The following EIF4G3 variants were observed in gnomAD, a reference collection of about 807,000 sequenced individuals.
The protein encoded by EIF4G3 is eukaryotic translation initiation factor 4 gamma 3.
A neutral mutation model predicts 186.4 loss-of-function variants in EIF4G3; 34 were observed. The observed-to-expected ratio is 0.18, with a 90% confidence interval of 0.14 to 0.24. The LOEUF is 0.24. Among genes scored for constraint, EIF4G3 ranks in the 10% least tolerant of loss-of-function variants. The pLI is 1.00. For synonymous variants in EIF4G3, 673 were observed against 679.5 expected, an observed-to-expected ratio of 0.99 and a Z score of 0.15; for missense variants, 1,536 against 1,948.5, an observed-to-expected ratio of 0.79 and a Z score of 3.99.
chr1:21,096,173 GA>G (rs1201004372), intron 2 of EIF4G3, among the ~76,000 whole-genome samples: 2 of 152,128 alleles, frequency 1.3e-5, no homozygotes, highest in Non-Finnish European at 2.9e-5. Context: ...ACTGCATAAA[GA>G]AGATGTAGTA....
At chr1:20,809,550 T>A (rs1358752995) in intron 36 of EIF4G3, among the ~76,000 whole-genome samples, 1 of 152,272 alleles carries the variant, frequency 6.6e-6, no homozygotes, top group Non-Finnish European at 1.5e-5. Flanking sequence ...TACAGGTTAC[T>A]TTGTTTCATT....
chr1:20,820,227 C>T (rs554069228), intron 33 of EIF4G3, among the ~76,000 whole-genome samples: 52 of 152,272 alleles, frequency 3.4e-4, no homozygotes, highest in African/African-American at 1.0e-3. Context: ...GCCTGACCTG[C>T]GGCTGCAGAC....
chr1:21,020,418 A>G (rs965215238), intron 4 of EIF4G3, among the ~76,000 whole-genome samples: 1 of 152,130 alleles, frequency 6.6e-6, no homozygotes. Context: ...TCAGCCTAGG[A>G]GGAGGAGGTT....
chr1:21,118,382 G>A (rs1049508558), intron 2 of EIF4G3, among the ~76,000 whole-genome samples: 1 of 152,132 alleles, frequency 6.6e-6, no homozygotes, highest in African/African-American at 2.4e-5. Context: ...AATTAGCTTT[G>A]GTTGATAACC....
At chr1:20,857,585 G>A in intron 24 of EIF4G3, 88 bp from the exon 25 acceptor site, 1 of 1,084,942 alleles carries the variant, frequency 9.2e-7, no homozygotes, top group Non-Finnish European at 1.4e-6. Flanking sequence ...CAAAACCAAG[G>A]AGAAAGACAA....
intron 2 of EIF4G3, among the ~76,000 whole-genome samples, chr1:21,171,847 T>C (rs1327774419): frequency 6.6e-6 from 1 of 152,138 alleles, no homozygotes; most frequent in Non-Finnish European, 1.5e-5. Context: ...ACCAGATTTT[T>C]TGCCTCCAAA....
chr1:21,074,751 T>C (rs1385155721), intron 3 of EIF4G3, among the ~76,000 whole-genome samples: 1 of 152,086 alleles, frequency 6.6e-6, no homozygotes, highest in Non-Finnish European at 1.5e-5. Flanking sequence ...CTTGGAAAAA[T>C]ATTTTCCAAT....
intron 12 of EIF4G3, among the ~76,000 whole-genome samples, chr1:20,958,215 T>C (rs1034377804): frequency 6.6e-6 from 1 of 152,184 alleles, no homozygotes; most frequent in Non-Finnish European, 1.5e-5. Flanking sequence ...CAAGTGGGTT[T>C]TATTTCAAGG....
chr1:21,142,432 G>A (rs760196259), intron 2 of EIF4G3, among the ~76,000 whole-genome samples: 2 of 152,108 alleles, frequency 1.3e-5, no homozygotes, highest in Non-Finnish European at 2.9e-5. Flanking sequence ...GCTTGAGCCT[G>A]GATGGTGGAA....
intron 17 of EIF4G3, 70 bp from the exon 18 acceptor site, chr1:20,893,706 A>G (rs1209258238): frequency 4.2e-6 from 6 of 1,418,808 alleles, no homozygotes; most frequent in Non-Finnish European, 5.6e-6. Flanking sequence ...GATAACAAAA[A>G]TTTTTACTGA....
chr1:20,993,252 CAG>C (rs1002397964), intron 7 of EIF4G3, among the ~76,000 whole-genome samples: 13 of 152,232 alleles, frequency 8.5e-5, no homozygotes, highest in Non-Finnish European at 8.8e-5. Flanking sequence ...GCCCTCCAAA[CAG>C]AGTTAAAAGA....
intron 4 of EIF4G3, 49 bp downstream of exon 4, chr1:21,050,817 A>G: frequency 1.5e-6 from 1 of 680,520 alleles, no homozygotes; most frequent in Non-Finnish European, 2.7e-6. Context: ...AACAAAAATG[A>G]TGCCTTTACA....
chr1:21,085,928 G>A (rs776986995), intron 3 of EIF4G3, among the ~76,000 whole-genome samples: 59 of 152,114 alleles, frequency 3.9e-4, no homozygotes, highest in Non-Finnish European at 7.5e-4. Flanking sequence ...TCCTGACCTC[G>A]TGATCCGTCT....
intron 32 of EIF4G3, among the ~76,000 whole-genome samples, chr1:20,827,052 T>C (rs1409503077): frequency 2.0e-5 from 3 of 152,214 alleles, no homozygotes; most frequent in Non-Finnish European, 4.4e-5. Context: ...CCAATATCTT[T>C]GAGTCAGGCG....
intron 2 of EIF4G3, among the ~76,000 whole-genome samples, chr1:21,129,022 A>G (rs1208707833): frequency 6.6e-6 from 1 of 152,192 alleles, no homozygotes; most frequent in Non-Finnish European, 1.5e-5. Context: ...CGGTTGTAAT[A>G]CAAAAAATCT....
chr1:21,147,459 G>A (rs1224492397), intron 2 of EIF4G3, among the ~76,000 whole-genome samples: 1 of 151,472 alleles, frequency 6.6e-6, no homozygotes, highest in Non-Finnish European at 1.5e-5. Context: ...TCCTGCCTCA[G>A]CCTCCTAAGT....
intron 13 of EIF4G3, among the ~76,000 whole-genome samples, chr1:20,943,966 TATTTTTTTTGTGTGTGTG>T (rs2095818006): frequency 5.8e-5 from 1 of 17,114 alleles, no homozygotes; most frequent in African/African-American, 1.5e-4. Context: ...AACTTGTCTT[TATTTTTTTTGTGTGTGTG>T]TGTGTGTGTG....
intron 12 of EIF4G3, 99 bp from the exon 13 acceptor site, chr1:20,950,210 AGATCAC>A (rs1376270215): frequency 4.1e-6 from 3 of 731,780 alleles, no homozygotes; most frequent in Non-Finnish European, 6.2e-6. Flanking sequence ...AGAGCACAGG[AGATCAC>A]AAAATTAAAA....
intron 20 of EIF4G3, among the ~76,000 whole-genome samples, chr1:20,869,188 C>T (rs894915327): frequency 2.0e-5 from 3 of 152,046 alleles, no homozygotes; most frequent in South Asian, 2.1e-4. Context: ...AGTAGTTTTG[C>T]CCCCAAATCA....
Sources: allele counts gnomAD v4.1 joint callset (sites outside exome capture counted in the v4.1 genomes callset), GRCh38; gene constraint gnomAD v4.1.1; transcripts MANE v1.5; gene names NCBI Gene and HGNC (gene_info 2026-07-23, HGNC 2026-07-21).